HDAC9: variants seen among roughly 807,000 people sequenced by gnomAD.
The protein encoded by HDAC9 is histone deacetylase 9, also known as MEF-2 interacting transcription repressor (MITR) protein.
HDAC9 carries 41 observed loss-of-function variants against 139.4 expected under a neutral mutation model. That is an observed-to-expected ratio of 0.29 (90% CI 0.23 to 0.38). The LOEUF (loss-of-function observed/expected upper bound fraction) is 0.38, where lower values mean the gene tolerates loss of function less well. Among genes scored for constraint, HDAC9 ranks in the 10% least tolerant of loss-of-function variants. The pLI is 1.00. For synonymous variants in HDAC9, 517 were observed against 476.2 expected, an observed-to-expected ratio of 1.09 and a Z score of -1.12; for missense variants, 1,147 against 1,297.0, an observed-to-expected ratio of 0.88 and a Z score of 1.78.
intron 16 of HDAC9, among the ~76,000 whole-genome samples, chr7:18,778,218 C>G (rs566686410): frequency 5.9e-5 from 9 of 152,062 alleles, no homozygotes; most frequent in South Asian, 2.1e-4. Flanking sequence ...GCTATTTTTG[C>G]CAAGAGCATT....
intron 22 of HDAC9, among the ~76,000 whole-genome samples, chr7:18,912,079 G>T (rs1802788232): frequency 6.6e-6 from 1 of 151,972 alleles, no homozygotes; most frequent in South Asian, 2.1e-4. Flanking sequence ...TGCTAAGAGT[G>T]GGGTATTGAA....
At chr7:18,592,519 T>C (rs190121499) in intron 5 of HDAC9, among the ~76,000 whole-genome samples, 6 of 152,194 alleles carry the variant, frequency 3.9e-5, no homozygotes, top group South Asian at 2.1e-4. Flanking sequence ...TTTACACTTA[T>C]ATATTTTTCA....
At chr7:18,830,571 C>T (rs1795789576) in intron 19 of HDAC9, among the ~76,000 whole-genome samples, 1 of 152,082 alleles carries the variant, frequency 6.6e-6, no homozygotes, top group Non-Finnish European at 1.5e-5. Flanking sequence ...GCAGGCACAC[C>T]AAAGGGTTGA....
chr7:18,888,855 C>T (rs980314789), intron 22 of HDAC9, among the ~76,000 whole-genome samples: 30 of 152,138 alleles, frequency 2.0e-4, no homozygotes, highest in African/African-American at 5.8e-4. Context: ...AACCCTTTTT[C>T]AGGAACGACT....
At chr7:18,957,808 G>A (rs1040085649) in intron 24 of HDAC9, among the ~76,000 whole-genome samples, 7 of 152,004 alleles carry the variant, frequency 4.6e-5, no homozygotes, top group African/African-American at 1.4e-4. Context: ...TCAACTTTAG[G>A]GGGTGTTCAG....
chr7:18,247,850 A>T (rs1034842491), intron 2 of HDAC9, among the ~76,000 whole-genome samples: 2 of 152,208 alleles, frequency 1.3e-5, no homozygotes, highest in Non-Finnish European at 2.9e-5. Flanking sequence ...TTTCTGGAAC[A>T]CTAATAATAA....
intron 6 of HDAC9, among the ~76,000 whole-genome samples, chr7:18,609,804 C>T (rs1322179273): frequency 2.7e-5 from 4 of 149,178 alleles, no homozygotes; most frequent in Admixed American, 6.7e-5. Flanking sequence ...TGACAGGCCC[C>T]GGTGTGTGAT....
At chr7:18,225,764 C>T (rs1363434891) in intron 2 of HDAC9, among the ~76,000 whole-genome samples, 1 of 152,046 alleles carries the variant, frequency 6.6e-6, no homozygotes, top group Non-Finnish European at 1.5e-5. Flanking sequence ...GATAAAGTTA[C>T]AGTTTCATTT....
intron 16 of HDAC9, among the ~76,000 whole-genome samples, chr7:18,769,160 A>G (rs781431418): frequency 1.3e-5 from 2 of 152,124 alleles, no homozygotes; most frequent in Non-Finnish European, 2.9e-5. Flanking sequence ...CCATCTCCCT[A>G]GGACTCACCT....
chr7:18,635,667 G>T (rs1230712304), intron 8 of HDAC9, among the ~76,000 whole-genome samples: 1 of 152,056 alleles, frequency 6.6e-6, no homozygotes, highest in Non-Finnish European at 1.5e-5. Flanking sequence ...ATTGCTCTGT[G>T]CAAGGAGAGC....
chr7:18,202,803 T>C (rs1791235082), intron 2 of HDAC9, among the ~76,000 whole-genome samples: 1 of 152,160 alleles, frequency 6.6e-6, no homozygotes, highest in Admixed American at 6.5e-5. Flanking sequence ...GGAAATAGCA[T>C]AGAAGTTGTC....
intron 1 of HDAC9, among the ~76,000 whole-genome samples, chr7:18,116,539 A>G (rs115354075): frequency 6.6e-6 from 1 of 152,190 alleles, no homozygotes; most frequent in South Asian, 2.1e-4. Flanking sequence ...ATTCTAGATC[A>G]ATAGTGCTTT....
intron 2 of HDAC9, among the ~76,000 whole-genome samples, chr7:18,527,826 A>G (rs2128228459): frequency 6.6e-6 from 1 of 152,252 alleles, no homozygotes; most frequent in South Asian, 2.1e-4. Flanking sequence ...AAGTTGTTTA[A>G]AGTTCATGGA....
chr7:18,807,355 A>G lies in HDAC9; in HGVS notation c.2322+13903A>G, dbSNP rs867011406. On this transcript the variant is annotated intron_variant, in intron 17 of 25. Coordinates refer to ENST00000686413, the MANE Select transcript of HDAC9 (RefSeq NM_178425.4). ...CTTTTTTTATTAGTTAATCTAGTCA[A>G]AGGATTGTCATTTCATTCATCTTGT... Among the ~76,000 whole-genome samples the G allele has an allele frequency of 3.9e-5, 6 of 152,200 alleles. No individual in the cohort carries two copies. In the South Asian group the frequency reaches 8.3e-4, roughly 21 times the overall value.
At chr7:18,223,381 A>G (rs1584718045) in intron 2 of HDAC9, among the ~76,000 whole-genome samples, 1 of 148,328 alleles carries the variant, frequency 6.7e-6, no homozygotes, top group Non-Finnish European at 1.5e-5. Flanking sequence ...AAGAGTAAAA[A>G]CCCCGGTCAA....
At position 18,887,904 on chromosome 7, in the gene HDAC9, A is replaced by G. The variant is rs544831658; in HGVS notation, c.2803+13308A>G. 7.2e-5 allele frequency among the ~76,000 whole-genome samples: 11 copies of G among 152,298 alleles called. No individual in the cohort carries two copies. In the South Asian group the frequency reaches 2.3e-3, roughly 32 times the overall value. ...CAAGATTTGTGGCCACAGAGAAGTC[A>G]TCAGGAGTTGCAGTGGTTCTCATGC... On this transcript the variant is annotated intron_variant, in intron 22 of 25. Coordinates refer to ENST00000686413, the MANE Select transcript of HDAC9 (RefSeq NM_178425.4).
intron 1 of HDAC9, among the ~76,000 whole-genome samples, chr7:18,130,144 C>T (rs1311478621): frequency 6.6e-6 from 1 of 152,134 alleles, no homozygotes; most frequent in Admixed American, 6.6e-5. Flanking sequence ...ACCAGTTGAG[C>T]AGCCCTAATT....
chr7:18,578,427 T>C (rs1054927199), intron 2 of HDAC9, among the ~76,000 whole-genome samples: 1 of 152,224 alleles, frequency 6.6e-6, no homozygotes, highest in Non-Finnish European at 1.5e-5. Context: ...TGTGTCACTC[T>C]TCTCAGTAGC....
At chr7:18,715,476 T>G (rs149615037) in intron 12 of HDAC9, among the ~76,000 whole-genome samples, 2 of 152,288 alleles carry the variant, frequency 1.3e-5, no homozygotes, top group African/African-American at 4.8e-5. Context: ...AAACTTTTCT[T>G]GAGTTAGACA....
Sources: allele counts gnomAD v4.1 joint callset (sites outside exome capture counted in the v4.1 genomes callset), GRCh38; gene constraint gnomAD v4.1.1; transcripts MANE v1.5; gene names NCBI Gene and HGNC (gene_info 2026-07-23, HGNC 2026-07-21).